Variants in TMEM114 observed in about 807,000 individuals in gnomAD.
The protein encoded by TMEM114 is claudin-26.
In TMEM114, 6 loss-of-function variants were observed where a neutral mutation model predicts 6.2. That is an observed-to-expected ratio of 0.97 (90% CI 0.53 to 1.91). The LOEUF (loss-of-function observed/expected upper bound fraction) is 1.91. Among genes scored for constraint, TMEM114 ranks in the 40% most tolerant of loss-of-function variants. The probability of loss-of-function intolerance (pLI) is 0.01; values close to 1 mark genes in which losing one functional copy is unlikely to be tolerated. For synonymous variants in TMEM114, 104 were observed against 73.0 expected (o/e 1.42, Z -2.16); for missense variants, 218 against 158.3 (o/e 1.38, Z -2.02).
chr16:8,569,822 G>A lies in TMEM114; in HGVS notation c.623C>T (p.Ala208Val), dbSNP rs1292152462. ...TCTCAGGCTGAGCTCGCGGGCTGCT[G>A]CCAGGAAGGCTGCCCCGGTGAGCAG... ...AELLTGAAFL[A>V]AARELSLRRR... The change falls in exon 4 of 4, where the codon GCA becomes GTA. Residue 208 changes from alanine (A) to valine (V), a missense_variant. Transcript: ENST00000620492. The A allele has an allele frequency of 3.9e-6, 6 of 1,550,868 alleles. No individual in the cohort carries two copies. Among genetic ancestry groups the A allele is most frequent in the African/African-American group, 2.7e-5 (2 of 73,036 alleles).
At chr16:8,581,746 G>T (rs1045739450) in intron 2 of TMEM114, among the ~76,000 whole-genome samples, 4 of 152,242 alleles carry the variant, frequency 2.6e-5, no homozygotes, top group Non-Finnish European at 5.9e-5. Context: ...GCGCCACTGC[G>T]CCCAGCCAGA....
At chr16:8,566,672 T>C (rs1901556125), downstream of TMEM114, among the ~76,000 whole-genome samples, 3 of 152,074 alleles carry the variant, frequency 2.0e-5, no homozygotes. Context: ...TACCTTCACC[T>C]CCTATTTCTC....
At chr16:8,589,393 C>A (rs1436819860) in intron 1 of TMEM114, 100 bp from the exon 2 acceptor site, 3 of 398,502 alleles carry the variant, frequency 7.5e-6, no homozygotes, top group Non-Finnish European at 1.3e-5. Flanking sequence ...GTGCCCCACC[C>A]GGGGAGGGCG....
Position 8,540,597 on chromosome 16 carries a change from T to TC in TMEM114, n.213-2772_213-2771insG, listed in dbSNP as rs60096811. 4.5e-3 allele frequency among the ~76,000 whole-genome samples: 642 copies of TC among 142,022 alleles called. 6 individuals are homozygous for TC. The highest frequency in any genetic ancestry group is 0.018 in the African/African-American group (625 of 34,308). 93.2% of individuals were successfully genotyped at this position (142,022 alleles called of 152,430 possible). On this transcript the variant is annotated intron_variant and non_coding_transcript_variant, in intron 2 of 2. Coordinates refer to the TMEM114 transcript ENST00000623677. The stretch of plus-strand genomic sequence containing the variant: ...AAAGACAGGGAGACTTGGGAGTTGA[T>TC]AAGAACAGGTGAAGTAGAATTCAAT...
chr16:8,540,320 C>G (rs114157512), intron 2 of TMEM114, among the ~76,000 whole-genome samples: 5,582 of 152,152 alleles, frequency 0.037, 238 homozygotes, highest in African/African-American at 0.098. Flanking sequence ...GCTCTGGAGT[C>G]CAGCCACCTG....
At chr16:8,583,931 T>A (rs552269081) in intron 2 of TMEM114, among the ~76,000 whole-genome samples, 2 of 152,276 alleles carry the variant, frequency 1.3e-5, no homozygotes, top group East Asian at 3.9e-4. Context: ...CCACTCCAGT[T>A]ACAAGTGGGC....
At chr16:8,543,105 G>A (rs1900561623) in intron 2 of TMEM114, among the ~76,000 whole-genome samples, 1 of 152,012 alleles carries the variant, frequency 6.6e-6, no homozygotes, top group Admixed American at 6.5e-5. Context: ...CAGCATAATT[G>A]ATGTCAGTTC....
intron 2 of TMEM114, among the ~76,000 whole-genome samples, chr16:8,573,271 G>A (rs1046060207): frequency 2.0e-5 from 3 of 152,186 alleles, no homozygotes; most frequent in Non-Finnish European, 2.9e-5. Flanking sequence ...TGCTGCCCCC[G>A]GGTTGCAGAG....
At chr16:8,554,190 C>G (rs569037353) in intron 2 of TMEM114, among the ~76,000 whole-genome samples, 44 of 152,158 alleles carry the variant, frequency 2.9e-4, no homozygotes, top group African/African-American at 9.4e-4. Context: ...GAAAGGGCTT[C>G]TGTTCTTTAA....
the TMEM114 span, among the ~76,000 whole-genome samples, chr16:8,528,587 C>G: frequency 6.6e-6 from 1 of 151,732 alleles, no homozygotes; most frequent in Non-Finnish European, 1.5e-5. Context: ...GAGTGAATGA[C>G]TCTCTCTCTC....
At chr16:8,537,158 T>C (rs1389909181), downstream of TMEM114, among the ~76,000 whole-genome samples, 1 of 151,640 alleles carries the variant, frequency 6.6e-6, no homozygotes, top group Non-Finnish European at 1.5e-5. Context: ...AGAGCTGTGA[T>C]TGCATCACTG....
intron 2 of TMEM114, among the ~76,000 whole-genome samples, chr16:8,556,947 C>T (rs1349004664): frequency 6.6e-6 from 1 of 152,208 alleles, no homozygotes; most frequent in African/African-American, 2.4e-5. Context: ...AGCCTCTGTT[C>T]TTGCTAAGGA....
chr16:8,539,685 C>T (rs1900463390), intron 2 of TMEM114, among the ~76,000 whole-genome samples: 1 of 151,764 alleles, frequency 6.6e-6, no homozygotes, highest in African/African-American at 2.4e-5. Context: ...CCACCACAAG[C>T]AAGACAGATG....
At chr16:8,530,614 G>T in the TMEM114 span, among the ~76,000 whole-genome samples, 1 of 151,908 alleles carries the variant, frequency 6.6e-6, no homozygotes, top group African/African-American at 2.4e-5. Context: ...AGAAGGGAAG[G>T]TGGGATGGAT....
the TMEM114 span, among the ~76,000 whole-genome samples, chr16:8,529,072 G>A: frequency 4.5e-3 from 687 of 152,316 alleles, 3 homozygotes; most frequent in African/African-American, 0.016. Flanking sequence ...TTAGAGAATC[G>A]TTCGGAGAGG....
intron 2 of TMEM114, among the ~76,000 whole-genome samples, chr16:8,554,821 C>A (rs569065517): frequency 6.6e-6 from 1 of 152,298 alleles, no homozygotes; most frequent in Non-Finnish European, 1.5e-5. Context: ...TGAGGGTAGG[C>A]ACTGATGTTA....
intron 2 of TMEM114, among the ~76,000 whole-genome samples, chr16:8,562,124 A>G (rs578034279): frequency 2.9e-5 from 4 of 140,116 alleles, no homozygotes; most frequent in East Asian, 2.2e-4. Context: ...AAGTAAGTGA[A>G]TGAGTGAGTG....
intron 2 of TMEM114, among the ~76,000 whole-genome samples, chr16:8,580,226 C>T (rs1902088183): frequency 6.6e-6 from 1 of 152,152 alleles, no homozygotes; most frequent in Non-Finnish European, 1.5e-5. Flanking sequence ...ACGATGCATG[C>T]CTGTAATCCC....
chr16:8,527,860 C>A, the TMEM114 span, among the ~76,000 whole-genome samples: 6 of 152,172 alleles, frequency 3.9e-5, no homozygotes, highest in African/African-American at 1.2e-4. Flanking sequence ...TTTCCCCCTC[C>A]TCATCACCTA....
Sources: allele counts gnomAD v4.1 joint callset (sites outside exome capture counted in the v4.1 genomes callset), GRCh38; gene constraint gnomAD v4.1.1; transcripts MANE v1.5; gene names NCBI Gene and HGNC (gene_info 2026-07-23, HGNC 2026-07-21).